TMEM132D: variants seen among roughly 807,000 people sequenced by gnomAD.
TMEM132D encodes the protein mature OL transmembrane protein.
Under a neutral mutation model 62.3 loss-of-function variants are expected in TMEM132D, and 21 were observed. That is an observed-to-expected ratio of 0.34 (90% confidence interval 0.24 to 0.49). The LOEUF (loss-of-function observed/expected upper bound fraction) is 0.49, where lower values mean the gene tolerates loss of function less well. TMEM132D is among the 20% of genes least tolerant of loss of function. TMEM132D has a pLI of 0.99. For synonymous variants in TMEM132D, 621 were observed against 575.6 expected, an observed-to-expected ratio of 1.08 and a Z score of -1.13; for missense variants, 1,346 against 1,402.8, an observed-to-expected ratio of 0.96 and a Z score of 0.65.
intron 4 of TMEM132D, among the ~76,000 whole-genome samples, chr12:129,305,081 G>A (rs1180238723): frequency 6.6e-6 from 1 of 152,156 alleles, no homozygotes; most frequent in Non-Finnish European, 1.5e-5. Context: ...CTTGGGGAAT[G>A]CCAGTACATC....
intron 4 of TMEM132D, among the ~76,000 whole-genome samples, chr12:129,269,733 C>T (rs59361352): frequency 0.21 from 31,668 of 152,034 alleles, 3,465 homozygotes; most frequent in East Asian, 0.3. Context: ...CTGCCTGTTC[C>T]GCTCCAGCTC....
At chr12:129,726,192 A>G (rs1869029726) in intron 1 of TMEM132D, among the ~76,000 whole-genome samples, 1 of 152,116 alleles carries the variant, frequency 6.6e-6, no homozygotes, top group South Asian at 2.1e-4. Flanking sequence ...TCCCCCATGC[A>G]CCTTTTCCCC....
intron 1 of TMEM132D, among the ~76,000 whole-genome samples, chr12:129,746,048 G>A (rs1469480334): frequency 2.0e-5 from 3 of 152,172 alleles, no homozygotes; most frequent in East Asian, 1.9e-4. Context: ...AAGGAGGAAT[G>A]AGCTTTCCCA....
At chr12:129,787,524 GC>G (rs1171104789) in intron 1 of TMEM132D, among the ~76,000 whole-genome samples, 1 of 152,140 alleles carries the variant, frequency 6.6e-6, no homozygotes, top group African/African-American at 2.4e-5. Context: ...AGTTTTATTT[GC>G]CCGAATTAAA....
intron 4 of TMEM132D, among the ~76,000 whole-genome samples, chr12:129,316,028 G>A (rs934286855): frequency 1.2e-4 from 18 of 151,856 alleles, no homozygotes; most frequent in Admixed American, 6.6e-4. Flanking sequence ...GGATTTTCTC[G>A]CTTCTCTTCT....
chr12:129,369,348 T>C (rs1045436200), intron 3 of TMEM132D, among the ~76,000 whole-genome samples: 1 of 144,858 alleles, frequency 6.9e-6, no homozygotes, highest in Non-Finnish European at 1.5e-5. Context: ...CTTGATTAAA[T>C]TTATCTGTTC....
chr12:129,207,509 G>A (rs1593296173), intron 5 of TMEM132D, among the ~76,000 whole-genome samples: 2 of 152,180 alleles, frequency 1.3e-5, no homozygotes, highest in South Asian at 2.1e-4. Flanking sequence ...GCTCAGAAAA[G>A]GCCTTGGGGA....
At chr12:129,553,241 C>A (rs561212854) in intron 2 of TMEM132D, among the ~76,000 whole-genome samples, 1 of 152,166 alleles carries the variant, frequency 6.6e-6, no homozygotes, top group Non-Finnish European at 1.5e-5. Flanking sequence ...CTTCACTCTG[C>A]CACAGTGGCC....
At chr12:129,109,015 C>G (rs1409150937) in intron 5 of TMEM132D, among the ~76,000 whole-genome samples, 1 of 152,180 alleles carries the variant, frequency 6.6e-6, no homozygotes, top group African/African-American at 2.4e-5. Context: ...CTTCAATAAT[C>G]AATTTCTTGT....
chr12:129,747,712 TCAGA>T (rs773192213), intron 1 of TMEM132D, among the ~76,000 whole-genome samples: 5 of 141,682 alleles, frequency 3.5e-5, no homozygotes, highest in East Asian at 4.2e-4. Context: ...CAACACACAC[TCAGA>T]CATACACACA....
chr12:129,093,876 G>C (rs866680789), intron 5 of TMEM132D, among the ~76,000 whole-genome samples: 1 of 151,456 alleles, frequency 6.6e-6, no homozygotes, highest in Non-Finnish European at 1.5e-5. Context: ...CAGAAATGCC[G>C]CATATCTACA....
At chr12:129,142,849 CT>C (rs1395614787) in intron 5 of TMEM132D, among the ~76,000 whole-genome samples, 1 of 152,080 alleles carries the variant, frequency 6.6e-6, no homozygotes, top group Admixed American at 6.6e-5. Context: ...GCTCTAGGTA[CT>C]TTTCCCAAAG....
At chr12:129,686,277 C>T (rs1880914694) in intron 2 of TMEM132D, among the ~76,000 whole-genome samples, 1 of 152,054 alleles carries the variant, frequency 6.6e-6, no homozygotes, top group African/African-American at 2.4e-5. Context: ...TGAGAGGGAC[C>T]CGGTGGGAGT....
At chr12:129,610,400 T>C (rs1313475302) in intron 2 of TMEM132D, among the ~76,000 whole-genome samples, 1 of 152,162 alleles carries the variant, frequency 6.6e-6, no homozygotes, top group Non-Finnish European at 1.5e-5. Context: ...TCTCCCTAAA[T>C]AGCTTCAACA....
rs768548698 is a variant in TMEM132D at position 129,078,605 on chromosome 12, G to A, written c.2044C>T (p.Leu682Phe). Residue 682 changes from leucine to phenylalanine, a missense_variant, in exon 8 of 9, where the codon CTC becomes TTC. Coordinates refer to ENST00000422113, the MANE Select transcript of TMEM132D (RefSeq NM_133448.3). The stretch of plus-strand genomic sequence containing the variant: ...ATGGCCCTGTTGCTTCCTGGGCTGA[G>A]CTGCAAGGAGAGTGACAGCCCTGTC... ...LVTGLSLSLQ[L>F]SPGSNRAIFA... The A allele has an allele frequency of 1.1e-5, 17 of 1,614,170 alleles. No individual in the cohort carries two copies. The highest frequency in any genetic ancestry group is 1.3e-5 in the Non-Finnish European group (15 of 1,180,036).
chr12:129,821,907 T>A (rs1872550111), intron 1 of TMEM132D, among the ~76,000 whole-genome samples: 1 of 152,186 alleles, frequency 6.6e-6, no homozygotes, highest in Non-Finnish European at 1.5e-5. Context: ...TGCTCTTAAG[T>A]GGCCAAGACC....
intron 4 of TMEM132D, among the ~76,000 whole-genome samples, chr12:129,227,769 C>G (rs554774000): frequency 2.0e-5 from 3 of 151,912 alleles, no homozygotes; most frequent in Non-Finnish European, 2.9e-5. Context: ...CCACAACAGG[C>G]CCTGGTGTGT....
intron 1 of TMEM132D, among the ~76,000 whole-genome samples, chr12:129,859,371 A>G (rs929927162): frequency 6.6e-5 from 10 of 152,220 alleles, no homozygotes; most frequent in Non-Finnish European, 1.5e-4. Flanking sequence ...GCACCAACAT[A>G]CTCGGCTCAA....
chr12:129,293,485 T>C (rs1881497974), intron 4 of TMEM132D, among the ~76,000 whole-genome samples: 1 of 152,194 alleles, frequency 6.6e-6, no homozygotes, highest in Non-Finnish European at 1.5e-5. Context: ...TTTGGGATGA[T>C]TCAAGTGCAT....
Sources: gnomAD v4.1 joint callset for allele counts (sites outside exome capture counted in the v4.1 genomes callset) on GRCh38, gnomAD v4.1.1 for gene constraint, MANE v1.5 for transcripts, NCBI Gene and HGNC (gene_info 2026-07-23, HGNC 2026-07-21) for gene names.